Variants in PRKACB observed in about 807,000 individuals in gnomAD.
The protein encoded by PRKACB is protein kinase cAMP-activated catalytic subunit beta.
PRKACB carries 16 observed loss-of-function variants against 51.4 expected under a neutral mutation model. The ratio of observed to expected loss-of-function variants is 0.31; its 90% CI spans 0.21 to 0.47. The LOEUF (loss-of-function observed/expected upper bound fraction) is 0.47. Among genes scored for constraint, PRKACB ranks in the 20% least tolerant of loss-of-function variants. The pLI is 1.00. For synonymous variants in PRKACB, 147 were observed against 154.4 expected (o/e 0.95, Z 0.35); for missense variants, 309 against 464.5 (o/e 0.67, Z 3.08).
chr1:84,179,293 G>C, intron 2 of PRKACB, 55 bp downstream of exon 2: 20 of 1,466,158 alleles, frequency 1.4e-5, no homozygotes, highest in Non-Finnish European at 1.7e-5. Flanking sequence ...ATAAAATCAG[G>C]ATTCTTGCCT....
At chr1:84,181,594 ATTG>A (rs1663493681) in intron 2 of PRKACB, 5 of 1,025,816 alleles carry the variant, frequency 4.9e-6, no homozygotes, top group Admixed American at 3.7e-5. Context: ...TTCTTTCCTT[ATTG>A]TTGTTGTTTT....
intron 1 of PRKACB, among the ~76,000 whole-genome samples, chr1:84,091,688 A>G (rs1481360815): frequency 6.6e-6 from 1 of 151,968 alleles, no homozygotes; most frequent in Non-Finnish European, 1.5e-5. Flanking sequence ...TATTTTTGGT[A>G]GAGATGGGGT....
chr1:84,229,011 A>C (rs1675120320), intron 9 of PRKACB, among the ~76,000 whole-genome samples: 1 of 149,824 alleles, frequency 6.7e-6, no homozygotes, highest in Non-Finnish European at 1.5e-5. Flanking sequence ...TACATGTGCC[A>C]TGCTGGTGCG....
intron 9 of PRKACB, 110 bp from the exon 10 acceptor site, chr1:84,235,070 C>T: frequency 1.7e-6 from 2 of 1,196,200 alleles, no homozygotes; most frequent in Admixed American, 2.6e-5. Context: ...CTAATGGCAT[C>T]TAAGGATTTC....
chr1:84,217,064 A>G (rs1325678032), intron 9 of PRKACB, among the ~76,000 whole-genome samples: 1 of 152,188 alleles, frequency 6.6e-6, no homozygotes, highest in East Asian at 1.9e-4. Flanking sequence ...TCAACCAATC[A>G]TTAGCAGTAT....
chr1:84,132,599 C>A (rs1652350246), intron 1 of PRKACB, among the ~76,000 whole-genome samples: 1 of 151,926 alleles, frequency 6.6e-6, no homozygotes, highest in African/African-American at 2.4e-5. Context: ...TATAAAAAAA[C>A]CATGATTAAT....
At chr1:84,228,298 A>C (rs1674976618) in intron 9 of PRKACB, among the ~76,000 whole-genome samples, 1 of 152,250 alleles carries the variant, frequency 6.6e-6, no homozygotes, top group Non-Finnish European at 1.5e-5. Flanking sequence ...GATATAAATT[A>C]AAAACCCTTG....
intron 2 of PRKACB, chr1:84,181,717 A>T: frequency 5.9e-6 from 9 of 1,519,526 alleles, no homozygotes; most frequent in Non-Finnish European, 7.9e-6. Flanking sequence ...AGCAAGACTG[A>T]TTTCTTCACA....
intron 1 of PRKACB, among the ~76,000 whole-genome samples, chr1:84,105,664 C>G (rs921634586): frequency 6.6e-6 from 1 of 152,058 alleles, no homozygotes; most frequent in South Asian, 2.1e-4. Flanking sequence ...CAACCTCCAC[C>G]TCCCGGATTC....
At position 84,214,390 on chromosome 1, in the gene PRKACB, C is replaced by G; in HGVS notation, c.1071+73C>G. The G allele has an allele frequency of 4.6e-6, 6 of 1,316,108 alleles. No homozygotes were observed. The South Asian group carries it at 9.9e-5, about 22-fold the overall frequency. The allele number at this position is 1,316,108 out of a possible 1,614,324, so 81.5% of individuals were successfully genotyped here. ...AAATTATATGTGGTGGAGATATTTT[C>G]AACTTAACACATAGTTTTAATTTTT... On this transcript the variant is annotated intron_variant, in intron 9 of 9. Transcript: ENST00000370685.
At chr1:84,180,208 A>ATATATATATG (rs933229907) in intron 2 of PRKACB, among the ~76,000 whole-genome samples, 91 of 129,926 alleles carry the variant, frequency 7.0e-4, no homozygotes, top group African/African-American at 2.3e-3. Context: ...ATATATATAT[A>ATATATATATG]TGTATGATGG....
intron 8 of PRKACB, 32 bp downstream of exon 8, chr1:84,202,837 T>C: frequency 5.9e-6 from 9 of 1,523,776 alleles, no homozygotes; most frequent in Non-Finnish European, 8.1e-6. Flanking sequence ...TCCTCTCTTA[T>C]TACTGTATAT....
chr1:84,186,462 AC>A (rs1665144905), intron 5 of PRKACB, among the ~76,000 whole-genome samples: 1 of 151,612 alleles, frequency 6.6e-6, no homozygotes, highest in South Asian at 2.1e-4. Flanking sequence ...CAAGTGATCC[AC>A]CCTCCTTGGC....
chr1:84,087,690 T>C lies in PRKACB; in HGVS notation c.46+9319T>C, dbSNP rs377693803. The stretch of plus-strand genomic sequence containing the variant: ...ACCATCGAGGCTTGTTTTTTTACTC[T>C]TGATAGGTTTTATAATCTCTCTAGC... On this transcript the variant is annotated intron_variant, in intron 1 of 8. Coordinates refer to the PRKACB transcript ENST00000370688. 9.2e-4 allele frequency among the ~76,000 whole-genome samples: 140 copies of C among 152,250 alleles called. 1 individual carries two copies. The East Asian group carries it at 0.026, about 28-fold the overall frequency.
intron 1 of PRKACB, among the ~76,000 whole-genome samples, chr1:84,137,923 G>C (rs1652987762): frequency 6.6e-6 from 1 of 152,166 alleles, no homozygotes; most frequent in Admixed American, 6.5e-5. Context: ...ATGAACTCAT[G>C]CTTTGCTTAT....
chr1:84,161,463 C>T (rs1258733493), intron 1 of PRKACB, among the ~76,000 whole-genome samples: 7 of 151,744 alleles, frequency 4.6e-5, no homozygotes, highest in African/African-American at 1.4e-4. Flanking sequence ...TAGTTAATGT[C>T]ACTATTGATA....
intron 1 of PRKACB, among the ~76,000 whole-genome samples, chr1:84,135,565 A>G (rs557221461): frequency 5.8e-4 from 89 of 152,298 alleles, no homozygotes; most frequent in Non-Finnish European, 7.4e-4. Context: ...TAAGATAGTA[A>G]TCATGCAAAG....
At chr1:84,164,003 T>C (rs1299806750) in intron 1 of PRKACB, among the ~76,000 whole-genome samples, 2 of 152,058 alleles carry the variant, frequency 1.3e-5, no homozygotes, top group Non-Finnish European at 2.9e-5. Flanking sequence ...TGAGGAATTT[T>C]ACATTTCTGC....
chr1:84,194,831 G>A (rs540938462), intron 5 of PRKACB, among the ~76,000 whole-genome samples: 8 of 152,030 alleles, frequency 5.3e-5, no homozygotes, highest in South Asian at 2.1e-4. Context: ...CCAGCTACTC[G>A]GTAGACTGAG....
Sources: allele counts gnomAD v4.1 joint callset (sites outside exome capture counted in the v4.1 genomes callset), GRCh38; gene constraint gnomAD v4.1.1; transcripts MANE v1.5; gene names NCBI Gene and HGNC (gene_info 2026-07-23, HGNC 2026-07-21).